The following ARIH1 variants were observed in gnomAD, a reference collection of about 807,000 sequenced individuals.
ARIH1 encodes ariadne RBR E3 ubiquitin protein ligase 1, also known as E3 ubiquitin-protein ligase ARIH1.
ARIH1 carries 8 observed loss-of-function variants against 85.0 expected under a neutral mutation model. That is an observed-to-expected ratio of 0.09 (90% CI 0.06 to 0.17). The LOEUF (loss-of-function observed/expected upper bound fraction) is 0.17. Among genes scored for constraint, ARIH1 ranks in the 10% least tolerant of loss-of-function variants. The pLI, the probability that ARIH1 is intolerant of heterozygous loss-of-function variation, is 1.00. For missense variants in ARIH1, 311 were observed against 718.1 expected, an observed-to-expected ratio of 0.43 and a Z score of 6.48; for synonymous variants, 238 against 253.6, an observed-to-expected ratio of 0.94 and a Z score of 0.59.
intron 2 of ARIH1, among the ~76,000 whole-genome samples, chr15:72,525,308 A>C (rs2064022506): frequency 6.6e-6 from 1 of 152,262 alleles, no homozygotes; most frequent in Non-Finnish European, 1.5e-5. Context: ...ATCATAATAA[A>C]TGTCAGTTAT....
rs2064344352 is a variant in ARIH1 at position 72,591,687 on chromosome 15, A to T, written c.*8395A>T. The T allele has an allele frequency of 6.6e-6, 1 of 152,258 alleles. No homozygotes were observed. The highest frequency in any genetic ancestry group is 2.1e-4 in the South Asian group (1 of 4,834). 9.4% of individuals were successfully genotyped at this position (152,258 alleles called of 1,614,324 possible). On this transcript the variant is annotated 3_prime_UTR_variant, in exon 14 of 14. Transcript: ENST00000379887. ...GCATAAAATAATAACCAGCATTTGT[A>T]GAGCACTTCTTGTGGGCCTTCTTGG... is the stretch of plus-strand genomic sequence containing the variant.
rs938923165 is a variant in ARIH1, at chr15:72,582,654, G to A, written c.1589+467G>A. Among the ~76,000 whole-genome samples the A allele has an allele frequency of 2.6e-5, 4 of 151,684 alleles. No individual in the cohort carries two copies. The highest frequency in any genetic ancestry group is 3.9e-4 in the East Asian group (2 of 5,154). ...AGGAGTCGATTTTTCAAGATGTGCC[G>A]CCTCTTAAGCTAGAGATGCAAAATG... is the stretch of plus-strand genomic sequence containing the variant. On this transcript the variant is annotated intron_variant, in intron 13 of 13. Coordinates refer to ENST00000379887, the MANE Select transcript of ARIH1 (RefSeq NM_005744.5). This position sits in a 1 kb window ranked among gnomAD's most constrained non-coding sequence, Gnocchi z 4.6.
At chr15:72,483,846 AT>A (rs1268027488) in intron 1 of ARIH1, among the ~76,000 whole-genome samples, 1 of 145,640 alleles carries the variant, frequency 6.9e-6, no homozygotes, top group Non-Finnish European at 1.5e-5. Context: ...TCACCTGGGG[AT>A]TTTTTTCATT....
chr15:72,488,668 G>T (rs972706028), intron 1 of ARIH1, among the ~76,000 whole-genome samples: 3 of 152,166 alleles, frequency 2.0e-5, no homozygotes, highest in Admixed American at 1.3e-4. Flanking sequence ...GTAAATATTT[G>T]TTGAAGTTTG....
intron 2 of ARIH1, among the ~76,000 whole-genome samples, chr15:72,544,597 A>C (rs568459703): frequency 1.3e-5 from 2 of 151,990 alleles, no homozygotes; most frequent in African/African-American, 4.8e-5. Context: ...AGTAGACTGA[A>C]TTTTTGCTGT....
At chr15:72,503,365 TG>T (rs887876425) in intron 1 of ARIH1, among the ~76,000 whole-genome samples, 4 of 152,182 alleles carry the variant, frequency 2.6e-5, no homozygotes, top group Admixed American at 2.6e-4. Context: ...ATCCCCTAGC[TG>T]GGTATTTAGA....
At position 72,500,866 on chromosome 15, in the gene ARIH1, G is replaced by A. The variant is rs560616352; in HGVS notation, c.376-17201G>A. On this transcript the variant is annotated intron_variant, in intron 1 of 13. Coordinates refer to ENST00000379887, the MANE Select transcript of ARIH1 (RefSeq NM_005744.5). Reference sequence around the variant, plus strand: ...GCAAAGAACACTGTTAAATCTTGCAGTACCATTAACTTCTAAAACTATGTA... The same window carrying A: ...GCAAAGAACACTGTTAAATCTTGCAATACCATTAACTTCTAAAACTATGTA... Among the ~76,000 whole-genome samples the A allele has an allele frequency of 1.1e-4, 16 of 152,298 alleles. No homozygotes were observed. In the South Asian group the frequency reaches 3.3e-3, roughly 32 times the overall value.
rs752693998 is a variant in ARIH1, at chr15:72,567,184, GT to G, written c.1026+11del. The G allele has an allele frequency of 2.9e-5, 46 of 1,604,446 alleles. 1 individual carries two copies. In the South Asian group the frequency reaches 4.6e-4, roughly 16 times the overall value. On this transcript the variant is annotated splice_region_variant and intron_variant, in intron 9 of 13. Coordinates refer to ENST00000379887, the MANE Select transcript of ARIH1 (RefSeq NM_005744.5). ...GATTGCAGCCAACACAAAGGTTGGTGTTTTCCTTCAGTAACTCTTGGTAATA... is the reference window on the plus strand; with the variant it reads ...GATTGCAGCCAACACAAAGGTTGGTGTTTCCTTCAGTAACTCTTGGTAATA...
At position 72,572,096 on chromosome 15, in the gene ARIH1, A is replaced by C. The variant is rs370978917; in HGVS notation, c.1158-12A>C. ...TTTTTTTCTTTATGGAATCCTCTTT[A>C]TTTACTTGAAGGTACAACTGTAACC... On this transcript the variant is annotated splice_polypyrimidine_tract_variant and intron_variant, in intron 10 of 13. Coordinates refer to ENST00000379887, the MANE Select transcript of ARIH1 (RefSeq NM_005744.5). 243 of 1,486,628 alleles carry C rather than the reference A, an allele frequency of 1.6e-4. No individual in the cohort carries two copies. The highest frequency in any genetic ancestry group is 4.1e-4 in the South Asian group (31 of 76,254). The allele number at this position is 1,486,628 out of a possible 1,614,324, so 92.1% of individuals were successfully genotyped here. A position where few individuals can be genotyped will look rare whatever the true frequency, so the allele number is the denominator to read the frequency against.
chr15:72,575,502 G>C (rs1470236489), intron 11 of ARIH1, among the ~76,000 whole-genome samples: 3 of 137,748 alleles, frequency 2.2e-5, no homozygotes, highest in Non-Finnish European at 3.0e-5. Context: ...AGTGAGCCAT[G>C]GTTGTGCCAC....
chr15:72,480,508 A>G (rs1311741640), intron 1 of ARIH1, among the ~76,000 whole-genome samples: 1 of 150,682 alleles, frequency 6.6e-6, no homozygotes, highest in Non-Finnish European at 1.5e-5. Flanking sequence ...TGATCGACCT[A>G]CCTTGGCCTC....
intron 1 of ARIH1, among the ~76,000 whole-genome samples, chr15:72,503,599 G>T (rs2063912454): frequency 6.6e-6 from 1 of 152,136 alleles, no homozygotes; most frequent in Non-Finnish European, 1.5e-5. Flanking sequence ...CCTTTGCTCA[G>T]AATATCTAGT....
intron 2 of ARIH1, among the ~76,000 whole-genome samples, chr15:72,524,506 G>A (rs1376848767): frequency 6.6e-6 from 1 of 152,190 alleles, no homozygotes; most frequent in East Asian, 1.9e-4. Context: ...GCCAGCCCAA[G>A]CTGGTCCACT....
chr15:72,506,616 A>T (rs1015866229), intron 1 of ARIH1, among the ~76,000 whole-genome samples: 1 of 152,104 alleles, frequency 6.6e-6, no homozygotes, highest in African/African-American at 2.4e-5. Context: ...TTTAAAAAGT[A>T]TTAAAAAATT....
rs1308701266 is a variant in ARIH1 at position 72,601,475 on chromosome 15, A to T, written c.*18183A>T. The stretch of plus-strand genomic sequence containing the variant: ...CATTCTGTGCTGCAAACTGGCTGAG[A>T]TTCTTCCATCCTCAGGGCCTTTGCA... On this transcript the variant is annotated 3_prime_UTR_variant, in exon 14 of 14. Coordinates refer to ENST00000379887, the MANE Select transcript of ARIH1 (RefSeq NM_005744.5). 6.6e-6 allele frequency: 1 copy of T among 152,198 alleles called. No homozygotes were observed. Among genetic ancestry groups the T allele is most frequent in the Non-Finnish European group, 1.5e-5 (1 of 68,074 alleles). The allele number at this position is 152,198 out of a possible 1,614,324, so 9.4% of individuals were successfully genotyped here. A position where few individuals can be genotyped will look rare whatever the true frequency, so the allele number is the denominator to read the frequency against.
At chr15:72,505,978 C>A (rs1293083067) in intron 1 of ARIH1, among the ~76,000 whole-genome samples, 4 of 152,098 alleles carry the variant, frequency 2.6e-5, no homozygotes, top group African/African-American at 7.2e-5. Flanking sequence ...TCATGATCCA[C>A]CCTCCTTGGC....
rs2064323371 is a variant in ARIH1 at position 72,587,723 on chromosome 15, A to G, written c.*4431A>G. On this transcript the variant is annotated 3_prime_UTR_variant, in exon 14 of 14. Transcript: ENST00000379887. Reference sequence around the variant, plus strand: ...AAGTTGGTTATATCTGGTTTATTTTAGGGATTTTGCTTCTGTAGTTACCCA... The same window carrying G: ...AAGTTGGTTATATCTGGTTTATTTTGGGGATTTTGCTTCTGTAGTTACCCA... The G allele has an allele frequency of 6.5e-6, 1 of 152,990 alleles. No homozygotes were observed. Among genetic ancestry groups the G allele is most frequent in the Non-Finnish European group, 1.5e-5 (1 of 68,662 alleles). The allele number at this position is 152,990 out of a possible 1,614,324, so 9.5% of individuals were successfully genotyped here.
chr15:72,570,955 C>A (rs1333351144), intron 10 of ARIH1, among the ~76,000 whole-genome samples: 1 of 151,762 alleles, frequency 6.6e-6, no homozygotes, highest in African/African-American at 2.4e-5. Context: ...CATGGAGAAA[C>A]CCCGTCTCTA....
intron 3 of ARIH1, among the ~76,000 whole-genome samples, chr15:72,554,636 C>G (rs1031120476): frequency 1.3e-5 from 2 of 152,176 alleles, no homozygotes; most frequent in Non-Finnish European, 2.9e-5. Context: ...ATCCTCCGCT[C>G]TCAGCCACAC....
Sources: allele counts gnomAD v4.1 joint callset (sites outside exome capture counted in the v4.1 genomes callset), GRCh38; gene constraint gnomAD v4.1.1; non-coding constraint Gnocchi (gnomAD v3.1); transcripts MANE v1.5; gene names NCBI Gene and HGNC (gene_info 2026-07-23, HGNC 2026-07-21).